DCHS2: variants seen among roughly 807,000 people sequenced by gnomAD.
The protein encoded by DCHS2 is protocadherin-23.
In DCHS2, 142 loss-of-function variants were observed where a neutral mutation model predicts 182.4. That is an observed-to-expected ratio of 0.78 (90% CI 0.68 to 0.89). DCHS2 has a LOEUF of 0.89. Among genes scored for constraint, DCHS2 ranks in the 40% least tolerant of loss-of-function variants. The probability of loss-of-function intolerance (pLI) is 0.00; values close to 1 mark genes in which losing one functional copy is unlikely to be tolerated. For missense variants in DCHS2, 4,319 were observed against 4,198.6 expected, an observed-to-expected ratio of 1.03 and a Z score of -0.79; for synonymous variants, 1,740 against 1,663.3, an observed-to-expected ratio of 1.05 and a Z score of -1.12.
chr4:154,418,662 T>C (rs1732971411), intron 1 of DCHS2, among the ~76,000 whole-genome samples: 1 of 152,220 alleles, frequency 6.6e-6, no homozygotes, highest in South Asian at 2.1e-4. Flanking sequence ...ATATCTCCTT[T>C]TCTACCCTGA....
At chr4:154,248,177 G>T (rs940331260) in intron 16 of DCHS2, among the ~76,000 whole-genome samples, 1 of 152,120 alleles carries the variant, frequency 6.6e-6, no homozygotes, top group African/African-American at 2.4e-5. Context: ...GGCTTGAGGA[G>T]TAGTGATAAA....
At chr4:154,271,993 T>C (rs1235352087) in intron 13 of DCHS2, among the ~76,000 whole-genome samples, 4 of 152,150 alleles carry the variant, frequency 2.6e-5, no homozygotes, top group Admixed American at 1.3e-4. Context: ...TAAGTCTACA[T>C]TAGTTCTGCC....
intron 2 of DCHS2, among the ~76,000 whole-genome samples, chr4:154,370,042 C>G (rs4696209): frequency 0.8 from 122,027 of 152,100 alleles, 49,027 homozygotes; most frequent in South Asian, 0.91. Context: ...CATCTCTCAG[C>G]TCTTGTGAGC....
chr4:154,392,025 T>C (rs1731730817), intron 1 of DCHS2, among the ~76,000 whole-genome samples: 1 of 152,180 alleles, frequency 6.6e-6, no homozygotes, highest in South Asian at 2.1e-4. Flanking sequence ...TGGGAAAAGT[T>C]AACTTATAAA....
At chr4:154,379,296 T>C (rs4696556) in intron 1 of DCHS2, among the ~76,000 whole-genome samples, 129,172 of 152,180 alleles carry the variant, frequency 0.85, 54,970 homozygotes, top group South Asian at 0.92. Flanking sequence ...TTAACTTCTT[T>C]GGCCCAGAAG....
Position 154,236,989 on chromosome 4 carries a change from T to C in DCHS2, c.7663A>G (p.Asn2555Asp). 2 of 1,614,018 alleles carry C rather than the reference T, an allele frequency of 1.2e-6. No homozygotes were observed. Among genetic ancestry groups the C allele is most frequent in the South Asian group, 1.1e-5 (1 of 91,080 alleles). Residue 2555 changes from asparagine to aspartate, a missense_variant, in exon 20 of 20, where the codon AAT (asparagine) becomes GAT (aspartate). Physicochemically the swap from Asn to Asp is conservative, Grantham distance 23. Coordinates refer to ENST00000357232, the MANE Select transcript of DCHS2 (RefSeq NM_001358235.2). ...YAPEFTVKSYNLSLSEDALVG... is the reference protein window; with the variant it reads ...YAPEFTVKSYDLSLSEDALVG... ...AGAGCATCCTCACTTAGGCTAAGAT[T>C]ATAGGATTTGACTGTGAATTCAGGG...
chr4:154,444,904 C>G (rs1055169089), intron 1 of DCHS2, among the ~76,000 whole-genome samples: 1 of 152,210 alleles, frequency 6.6e-6, no homozygotes, highest in African/African-American at 2.4e-5. Context: ...ACCCAGCCAG[C>G]AGGCTACCAC....
intron 3 of DCHS2, among the ~76,000 whole-genome samples, chr4:154,351,714 T>C (rs1209382344): frequency 6.6e-6 from 1 of 152,108 alleles, no homozygotes; most frequent in East Asian, 1.9e-4. Context: ...TAGATTCTCA[T>C]AAGGAGCACG....
chr4:154,372,142 G>T (rs1443189005), intron 2 of DCHS2, among the ~76,000 whole-genome samples: 1 of 152,174 alleles, frequency 6.6e-6, no homozygotes, highest in African/African-American at 2.4e-5. Flanking sequence ...ATTAAAGAAT[G>T]ATGGGAAATC....
At chr4:154,470,643 C>A (rs1182708897) in intron 1 of DCHS2, among the ~76,000 whole-genome samples, 4 of 152,104 alleles carry the variant, frequency 2.6e-5, no homozygotes, top group Non-Finnish European at 5.9e-5. Flanking sequence ...CGCTGCTGTA[C>A]ATATGTCACT....
At chr4:154,316,540 T>C (rs1216502165) in intron 9 of DCHS2, among the ~76,000 whole-genome samples, 2 of 152,144 alleles carry the variant, frequency 1.3e-5, no homozygotes, top group African/African-American at 4.8e-5. Flanking sequence ...CCCAGCACTT[T>C]GGGAGGCCAA....
intron 1 of DCHS2, among the ~76,000 whole-genome samples, chr4:154,481,560 C>T (rs538434364): frequency 2.5e-4 from 38 of 152,210 alleles, no homozygotes; most frequent in East Asian, 1.2e-3. Context: ...CCCAGCCTGA[C>T]GTTTCTTTTT....
rs777216986 is a variant in DCHS2, at chr4:154,320,824, T to C, written c.4575A>G (p.Ile1525Met). ...CATTGAAGACATACACCAGGGTTCC[T>C]ATGGGAACATTCTCCTCTACACTGA... ...IVISVEENVP[I>M]GTLVYVFNAK... Residue 1525 changes from isoleucine to methionine, a missense_variant, in exon 9 of 20, where the codon ATA becomes ATG. Coordinates refer to ENST00000357232, the MANE Select transcript of DCHS2 (RefSeq NM_001358235.2). 14 of 1,613,964 alleles carry C rather than the reference T, an allele frequency of 8.7e-6. No homozygotes were observed. The South Asian group carries it at 1.5e-4, about 18-fold the overall frequency.
At chr4:154,485,891 C>A (rs1490653) in intron 1 of DCHS2, among the ~76,000 whole-genome samples, 105,951 of 152,076 alleles carry the variant, frequency 0.7, 38,010 homozygotes, top group East Asian at 0.99. Context: ...GAGGATGGAG[C>A]TCTTGTCTAG....
rs527480336 is a variant in DCHS2, at chr4:154,485,673, T to C, written c.2052+3631A>G. Among the ~76,000 whole-genome samples the C allele has an allele frequency of 2.0e-5, 3 of 152,352 alleles. No individual in the cohort carries two copies. In the East Asian group the frequency reaches 5.8e-4, roughly 29 times the overall value. ...TGTTGTTGAATTCAATCAATGTTAT[T>C]GAATTAATGAATGTTGTTGTTTGGA... On this transcript the variant is annotated intron_variant, in intron 1 of 19. Transcript: ENST00000357232.
chr4:154,265,191 A>G (rs907127520), intron 14 of DCHS2, among the ~76,000 whole-genome samples: 3 of 152,212 alleles, frequency 2.0e-5, no homozygotes, highest in Non-Finnish European at 2.9e-5. Context: ...TTTCAAATAC[A>G]TACACCAGCA....
At position 154,235,677 on chromosome 4, in the gene DCHS2, C is replaced by T. The variant is rs985728803; in HGVS notation, c.8975G>A (p.Ser2992Asn). The T allele has an allele frequency of 6.2e-7, 1 of 1,613,872 alleles. No homozygotes were observed. Among genetic ancestry groups the T allele is most frequent in the Non-Finnish European group, 8.5e-7 (1 of 1,179,966 alleles). The change falls in exon 20 of 20, where the codon AGC (serine) becomes AAC (asparagine). Residue 2992 changes from serine to asparagine, a missense_variant. Transcript: ENST00000357232. ...SEGTPLAVFA[S>N]SFSISLVVSF... ...GACCACCAGGCTGATTGAAAAGCTG[C>T]TGGCGAACACTGCCAAGGGTGTTCC...
chr4:154,245,141 C>A (rs949675095), intron 16 of DCHS2, among the ~76,000 whole-genome samples: 2 of 152,010 alleles, frequency 1.3e-5, no homozygotes, highest in Non-Finnish European at 2.9e-5. Context: ...ACTTGAAGAA[C>A]AAATAAAAAA....
chr4:154,265,323 T>A (rs1209128701), intron 14 of DCHS2, among the ~76,000 whole-genome samples: 1 of 152,198 alleles, frequency 6.6e-6, no homozygotes, highest in Non-Finnish European at 1.5e-5. Flanking sequence ...CTCTTTAACA[T>A]GTAATGGTTT....
Sources: allele counts gnomAD v4.1 joint callset (sites outside exome capture counted in the v4.1 genomes callset), GRCh38; gene constraint gnomAD v4.1.1; transcripts MANE v1.5; gene names NCBI Gene and HGNC (gene_info 2026-07-23, HGNC 2026-07-21).